CEP128: variants seen among roughly 807,000 people sequenced by gnomAD.
The protein encoded by CEP128 is centrosomal protein 128kDa.
A neutral mutation model predicts 156.7 loss-of-function variants in CEP128; 132 were observed. The observed-to-expected ratio is 0.84, with a 90% CI of 0.73 to 0.97. The LOEUF is 0.97. Ranked by LOEUF, CEP128 falls within the 50% of genes least tolerant of loss-of-function variation. CEP128 has a pLI of 0.00. For synonymous variants in CEP128, 469 were observed against 448.9 expected (o/e 1.04, Z -0.57); for missense variants, 1,252 against 1,281.9 (o/e 0.98, Z 0.36).
At chr14:80,532,280 A>G (rs950838835) in intron 21 of CEP128, among the ~76,000 whole-genome samples, 2 of 151,838 alleles carry the variant, frequency 1.3e-5, no homozygotes, top group African/African-American at 2.4e-5. Context: ...TGCAGTCTCA[A>G]CCTCCTGGGC....
At chr14:80,771,921 A>T (rs1900530253) in intron 16 of CEP128, among the ~76,000 whole-genome samples, 1 of 152,218 alleles carries the variant, frequency 6.6e-6, no homozygotes, top group African/African-American at 2.4e-5. Context: ...GCTCTTAGGT[A>T]AGTCAGTTAA....
At chr14:80,760,647 G>A (rs1899915366) in intron 17 of CEP128, among the ~76,000 whole-genome samples, 1 of 151,982 alleles carries the variant, frequency 6.6e-6, no homozygotes, top group South Asian at 2.1e-4. Flanking sequence ...AATGTATTAT[G>A]GCTACACATA....
chr14:80,506,953 T>C (rs1888005076), intron 23 of CEP128, among the ~76,000 whole-genome samples: 1 of 152,024 alleles, frequency 6.6e-6, no homozygotes, highest in South Asian at 2.1e-4. Flanking sequence ...GGTGGATCCC[T>C]CATGGCTTGG....
chr14:80,759,861 T>C (rs1899866280), intron 17 of CEP128, among the ~76,000 whole-genome samples: 1 of 151,842 alleles, frequency 6.6e-6, no homozygotes, highest in African/African-American at 2.4e-5. Flanking sequence ...CAATTGCCCA[T>C]AACAAACTGT....
chr14:80,883,763 A>C (rs892471010), intron 8 of CEP128, among the ~76,000 whole-genome samples: 5 of 152,184 alleles, frequency 3.3e-5, no homozygotes, highest in Admixed American at 6.5e-5. Flanking sequence ...AAGACCCATA[A>C]TATTCAAAGC....
intron 8 of CEP128, chr14:80,894,514 C>T: frequency 7.1e-6 from 3 of 421,838 alleles, no homozygotes; most frequent in East Asian, 7.2e-5. Flanking sequence ...ATTGAAGGTG[C>T]CCTTGGTACA....
intron 2 of CEP128, among the ~76,000 whole-genome samples, chr14:80,956,977 T>C (rs1262411170): frequency 6.6e-6 from 1 of 152,178 alleles, no homozygotes; most frequent in East Asian, 1.9e-4. Context: ...AGGTTGCTTG[T>C]CACCTCTAGA....
In CEP128 at chr14:80,877,446, TA is replaced by T. The variant is rs531582317; in HGVS notation, c.646-14574del. On this transcript the variant is annotated intron_variant, in intron 8 of 24. Coordinates refer to ENST00000555265, the MANE Select transcript of CEP128 (RefSeq NM_152446.5). ...GATATCAAATTCAAGAAATAAGTTG[TA>T]AAAAAAATGTATAAGATATAAAACT... 2.6e-5 allele frequency among the ~76,000 whole-genome samples: 4 copies of T among 152,082 alleles called. No individual in the cohort carries two copies. The East Asian group carries it at 5.8e-4, about 22-fold the overall frequency.
chr14:80,658,045 T>C (rs1178593458), intron 19 of CEP128, among the ~76,000 whole-genome samples: 2 of 152,216 alleles, frequency 1.3e-5, no homozygotes, highest in East Asian at 3.9e-4. Flanking sequence ...CCTGTGTTAC[T>C]GTTTATAGTT....
intron 19 of CEP128, among the ~76,000 whole-genome samples, chr14:80,704,355 T>C (rs1159995876): frequency 6.6e-6 from 1 of 152,016 alleles, no homozygotes; most frequent in Non-Finnish European, 1.5e-5. Flanking sequence ...ATGCAACATA[T>C]TGTATATAAA....
At chr14:80,740,392 C>T (rs539403907) in intron 19 of CEP128, among the ~76,000 whole-genome samples, 1 of 151,686 alleles carries the variant, frequency 6.6e-6, no homozygotes, top group African/African-American at 2.4e-5. Context: ...CCAGGACAGG[C>T]CACACCCACA....
chr14:80,631,648 C>A (rs996631053), intron 19 of CEP128, among the ~76,000 whole-genome samples: 2 of 152,022 alleles, frequency 1.3e-5, no homozygotes, highest in Admixed American at 1.3e-4. Context: ...AAGCCTGAAG[C>A]AATTTGTATT....
At position 80,482,087 on chromosome 14, in the gene CEP128, A is replaced by C. The variant is rs188830958; in HGVS notation, c.*311-3680T>G. On this transcript the variant is annotated intron_variant and NMD_transcript_variant, in intron 14 of 14. Coordinates refer to the CEP128 transcript ENST00000554502. ...AAAAGTGCTGCTCCTTTTTTTATGA[A>C]GACAGGAGTTAAGAGAATCTTATTT... Among the ~76,000 whole-genome samples the C allele has an allele frequency of 2.6e-3, 389 of 152,294 alleles. 5 individuals are homozygous for C. Among genetic ancestry groups the C allele is most frequent in the Non-Finnish European group, 4.2e-3 (287 of 68,030 alleles).
intron 19 of CEP128, among the ~76,000 whole-genome samples, chr14:80,662,243 T>A (rs915172943): frequency 6.6e-6 from 1 of 152,194 alleles, no homozygotes; most frequent in African/African-American, 2.4e-5. Context: ...GTGGCTGATT[T>A]ACATGTTTTA....
At chr14:80,904,331 GT>G (rs1348671998) in intron 6 of CEP128, among the ~76,000 whole-genome samples, 1 of 152,052 alleles carries the variant, frequency 6.6e-6, no homozygotes, top group Non-Finnish European at 1.5e-5. Context: ...TTACCAGAGG[GT>G]GGCGGGGAGA....
intron 19 of CEP128, among the ~76,000 whole-genome samples, chr14:80,648,920 G>A (rs985003256): frequency 1.3e-5 from 2 of 152,016 alleles, no homozygotes; most frequent in Non-Finnish European, 2.9e-5. Context: ...TTACAGTAAG[G>A]TATAGATAGT....
chr14:80,913,336 T>C (rs1000660138), intron 4 of CEP128, among the ~76,000 whole-genome samples: 3 of 152,184 alleles, frequency 2.0e-5, no homozygotes, highest in Admixed American at 2.0e-4. Flanking sequence ...TTCAAAACAA[T>C]GAAGTAGTGC....
chr14:80,847,033 T>G (rs1886641878), intron 9 of CEP128, among the ~76,000 whole-genome samples: 1 of 152,154 alleles, frequency 6.6e-6, no homozygotes, highest in South Asian at 2.1e-4. Context: ...GCTAGCTTGC[T>G]CTGTAAATGG....
At chr14:80,622,287 C>T (rs1026934668) in intron 19 of CEP128, among the ~76,000 whole-genome samples, 24 of 152,034 alleles carry the variant, frequency 1.6e-4, no homozygotes, top group African/African-American at 5.6e-4. Context: ...CTGTCCTCTC[C>T]CCTGCCAGCC....
Sources: gnomAD v4.1 joint callset for allele counts (sites outside exome capture counted in the v4.1 genomes callset) on GRCh38, gnomAD v4.1.1 for gene constraint, MANE v1.5 for transcripts, NCBI Gene and HGNC (gene_info 2026-07-23, HGNC 2026-07-21) for gene names.